The following BIRC6 variants were observed in gnomAD, a reference collection of about 807,000 sequenced individuals.
The protein encoded by BIRC6 is dual E2 ubiquitin-conjugating enzyme/E3 ubiquitin-protein ligase BIRC6.
In BIRC6, 98 loss-of-function variants were observed where a neutral mutation model predicts 503.3. The ratio of observed to expected loss-of-function variants is 0.19; its 90% CI spans 0.17 to 0.23. The LOEUF (loss-of-function observed/expected upper bound fraction) is 0.23. Ranked by LOEUF, BIRC6 falls within the 10% of genes least tolerant of loss-of-function variation. The pLI is 1.00. For synonymous variants in BIRC6, 2,240 were observed against 2,078.7 expected (o/e 1.08, Z -2.11); for missense variants, 5,360 against 5,806.0 (o/e 0.92, Z 2.50).
chr2:32,579,401 A>G (rs540385341), intron 66 of BIRC6, among the ~76,000 whole-genome samples: 102 of 152,204 alleles, frequency 6.7e-4, no homozygotes, highest in Non-Finnish European at 1.1e-3. Context: ...ACAAGAGGAG[A>G]TAAAAAGACA....
chr2:32,463,484 C>G, intron 24 of BIRC6, 103 bp downstream of exon 24: 1 of 1,150,846 alleles, frequency 8.7e-7, no homozygotes, highest in Non-Finnish European at 1.2e-6. Flanking sequence ...CGTAGGTTGA[C>G]TGATCTGAGC....
In BIRC6 at chr2:32,509,802, G is replaced by A. The variant is rs1170623919; in HGVS notation, c.10045G>A (p.Ala3349Thr). The A allele has an allele frequency of 6.2e-7, 1 of 1,613,940 alleles. No individual in the cohort carries two copies. The part of the protein sequence containing the change: ...THISDLEGMM[A>T]SAAAPTANLL... Reference sequence around the variant, plus strand: ...CATAAGTGATCTAGAAGGAATGATGGCAAGTGCAGCTGCACCTACTGCTAA... The same window carrying A: ...CATAAGTGATCTAGAAGGAATGATGACAAGTGCAGCTGCACCTACTGCTAA... Residue 3349 changes from alanine to threonine, a missense_variant, in exon 52 of 74, where the codon GCA becomes ACA. Physicochemically the swap from Ala to Thr is moderately conservative, Grantham distance 58. Coordinates refer to ENST00000421745, the MANE Select transcript of BIRC6 (RefSeq NM_016252.4).
chr2:32,381,428 CAG>C (rs2037633337), intron 3 of BIRC6, among the ~76,000 whole-genome samples: 2 of 150,604 alleles, frequency 1.3e-5, no homozygotes, highest in Non-Finnish European at 3.0e-5. Flanking sequence ...TTAGTAGAGA[CAG>C]GGTTTCGCCA....
chr2:32,551,696 C>T (rs78737383), intron 65 of BIRC6, among the ~76,000 whole-genome samples: 5,131 of 152,118 alleles, frequency 0.034, 222 homozygotes, highest in African/African-American at 0.1. Context: ...TTTTCATTTG[C>T]GTATATAGTA....
At chr2:32,613,064 G>A (rs2062987333) in intron 73 of BIRC6, among the ~76,000 whole-genome samples, 1 of 151,798 alleles carries the variant, frequency 6.6e-6, no homozygotes, top group Non-Finnish European at 1.5e-5. Flanking sequence ...CACTTCATCT[G>A]CTCTCCCTCC....
chr2:32,560,590 T>G (rs1390159282), intron 65 of BIRC6, among the ~76,000 whole-genome samples: 2 of 152,200 alleles, frequency 1.3e-5, no homozygotes, highest in East Asian at 3.8e-4. Flanking sequence ...ATTTTTTCTT[T>G]TTTCTTCTTC....
At chr2:32,540,789 A>G (rs968942854) in intron 61 of BIRC6, among the ~76,000 whole-genome samples, 2 of 152,014 alleles carry the variant, frequency 1.3e-5, no homozygotes, top group Non-Finnish European at 2.9e-5. Flanking sequence ...TACTTGCTGT[A>G]TATTTAACTA....
chr2:32,612,970 A>G (rs139923911), intron 73 of BIRC6, among the ~76,000 whole-genome samples: 1 of 152,130 alleles, frequency 6.6e-6, no homozygotes, highest in African/African-American at 2.4e-5. Context: ...TCACTAATCA[A>G]CCTTATGCAG....
Position 32,495,792 on chromosome 2 carries a change from T to TG in BIRC6, c.8468+2125_8468+2126insG, listed in dbSNP as rs1247647470. Among the ~76,000 whole-genome samples the TG allele has an allele frequency of 1.2e-4, 16 of 139,128 alleles. No homozygotes were observed. The East Asian group carries it at 3.0e-3, about 26-fold the overall frequency. The allele number at this position is 139,128 out of a possible 152,430, so 91.3% of individuals were successfully genotyped here. The stretch of plus-strand genomic sequence containing the variant: ...TTATTTTTTGCTTTCAGGATGAAGT[T>TG]TTTTTTTTTTTTTTTTTTTGCCTGT... On this transcript the variant is annotated intron_variant, in intron 45 of 73. Coordinates refer to ENST00000421745, the MANE Select transcript of BIRC6 (RefSeq NM_016252.4).
At chr2:32,595,447 C>T (rs2061620405) in intron 68 of BIRC6, among the ~76,000 whole-genome samples, 1 of 152,170 alleles carries the variant, frequency 6.6e-6, no homozygotes, top group Admixed American at 6.5e-5. Flanking sequence ...TACATCCTGG[C>T]CTGAAGGAAG....
At chr2:32,392,273 C>A in intron 5 of BIRC6, 123 bp downstream of exon 5, 1 of 665,320 alleles carries the variant, frequency 1.5e-6, no homozygotes, top group Non-Finnish European at 2.5e-6. Context: ...TGCTTGTATG[C>A]ATGGATGCTT....
chr2:32,602,339 A>C (rs568850124), intron 70 of BIRC6, among the ~76,000 whole-genome samples: 115 of 152,348 alleles, frequency 7.5e-4, no homozygotes, highest in African/African-American at 2.6e-3. Context: ...AAACATTGGA[A>C]GATAAATATT....
intron 65 of BIRC6, chr2:32,557,547 A>G (rs2058865770): frequency 6.6e-6 from 1 of 152,146 alleles, no homozygotes; most frequent in Non-Finnish European, 1.5e-5. Flanking sequence ...TTATTCCTCA[A>G]ACTGGAAGCA....
chr2:32,406,416 C>T, intron 8 of BIRC6, 83 bp from the exon 9 acceptor site: 1 of 1,061,298 alleles, frequency 9.4e-7, no homozygotes. Context: ...CCCACAAAAC[C>T]AACTGTTCTT....
intron 57 of BIRC6, among the ~76,000 whole-genome samples, chr2:32,521,546 G>T (rs2055709502): frequency 6.6e-6 from 1 of 151,686 alleles, no homozygotes; most frequent in East Asian, 1.9e-4. Context: ...TCGGCTCACT[G>T]CAACCTCTGC....
At chr2:32,560,353 T>C (rs575279024) in intron 65 of BIRC6, among the ~76,000 whole-genome samples, 3 of 152,336 alleles carry the variant, frequency 2.0e-5, no homozygotes, top group Admixed American at 6.5e-5. Flanking sequence ...GTGCTTATTA[T>C]TACCTTGTTT....
intron 6 of BIRC6, among the ~76,000 whole-genome samples, chr2:32,397,733 A>G (rs944124293): frequency 5.3e-5 from 8 of 149,968 alleles, no homozygotes; most frequent in African/African-American, 1.7e-4. Context: ...CCATTTTAGT[A>G]TATATTTTTT....
intron 33 of BIRC6, among the ~76,000 whole-genome samples, chr2:32,474,623 G>A (rs892403889): frequency 2.6e-5 from 4 of 152,138 alleles, no homozygotes; most frequent in African/African-American, 4.8e-5. Flanking sequence ...TAATCAGGGC[G>A]ATTAGTCATC....
At position 32,495,942 on chromosome 2, in the gene BIRC6, A is replaced by G. The variant is rs184931809; in HGVS notation, c.8468+2275A>G. The stretch of plus-strand genomic sequence containing the variant: ...AAGCGCCGCCTCCTGGGTTCACGCC[A>G]TTCTCCCGCCTCAGCCTCCTGAGTA... On this transcript the variant is annotated intron_variant, in intron 45 of 73. Coordinates refer to ENST00000421745, the MANE Select transcript of BIRC6 (RefSeq NM_016252.4). Among the ~76,000 whole-genome samples, 1,453 of 151,918 alleles carry G rather than the reference A, an allele frequency of 9.6e-3. 30 individuals carry two copies. The highest frequency in any genetic ancestry group is 0.033 in the African/African-American group (1,384 of 41,434).
Sources: allele counts gnomAD v4.1 joint callset (sites outside exome capture counted in the v4.1 genomes callset), GRCh38; gene constraint gnomAD v4.1.1; transcripts MANE v1.5; gene names NCBI Gene and HGNC (gene_info 2026-07-23, HGNC 2026-07-21).